The following IQCM variants were observed in gnomAD, a reference collection of about 807,000 sequenced individuals.
The protein encoded by IQCM is IQ domain-containing protein M.
IQCM carries 45 observed loss-of-function variants against 57.6 expected under a neutral mutation model. The ratio of observed to expected loss-of-function variants is 0.78; its 90% CI spans 0.62 to 1.00. The LOEUF is 1.00. IQCM is among the 50% of genes least tolerant of loss of function. The pLI is 0.00. For missense variants in IQCM, 468 were observed against 511.6 expected (o/e 0.91, Z 0.82); for synonymous variants, 148 against 158.9 (o/e 0.93, Z 0.51).
intron 12 of IQCM, among the ~76,000 whole-genome samples, chr4:149,454,623 GT>G (rs927621504): frequency 6.6e-6 from 1 of 151,820 alleles, no homozygotes; most frequent in Non-Finnish European, 1.5e-5. Context: ...AAAATAAAAG[GT>G]TTTTTTAAAA....
intron 2 of IQCM, among the ~76,000 whole-genome samples, chr4:149,777,121 A>G (rs1771163250): frequency 6.6e-6 from 1 of 152,096 alleles, no homozygotes; most frequent in South Asian, 2.1e-4. Context: ...TAGAGCAATA[A>G]TTTCTCTTCT....
chr4:149,781,978 G>A lies in IQCM; in HGVS notation c.-49+33333C>T, dbSNP rs186210615. Among the ~76,000 whole-genome samples, 16 of 151,830 alleles carry A rather than the reference G, an allele frequency of 1.1e-4. 1 individual carries two copies. Among genetic ancestry groups the A allele is most frequent in the African/African-American group, 1.5e-4 (6 of 41,328 alleles). ...CAAAAAGATAATGTATTCTGACTGC[G>A]TAAGACAATATTTTTTTTTTAATCT... On this transcript the variant is annotated intron_variant, in intron 2 of 13. Transcript: ENST00000636793.
intron 12 of IQCM, among the ~76,000 whole-genome samples, chr4:149,524,196 T>A (rs1258392801): frequency 6.6e-6 from 1 of 152,122 alleles, no homozygotes; most frequent in Non-Finnish European, 1.5e-5. Context: ...AACAAGAAGT[T>A]GACAAATTAT....
In IQCM at chr4:149,548,651, A is replaced by T. The variant is rs920871253; in HGVS notation, c.1094-62T>A. 7 of 816,822 alleles carry T rather than the reference A, an allele frequency of 8.6e-6. No homozygotes were observed. In the African/African-American group the frequency reaches 1.2e-4, roughly 15 times the overall value. 50.6% of individuals were successfully genotyped at this position (816,822 alleles called of 1,614,324 possible). On this transcript the variant is annotated intron_variant, in intron 11 of 13. Transcript: ENST00000636793. ...AAACAATACATCAAGTAAAAACTTTAACTCTAGCTTTATTTTCCTGTCTAC... is the reference window on the plus strand; with the variant it reads ...AAACAATACATCAAGTAAAAACTTTTACTCTAGCTTTATTTTCCTGTCTAC...
intron 12 of IQCM, among the ~76,000 whole-genome samples, chr4:149,521,412 C>T (rs557943216): frequency 1.4e-3 from 216 of 152,298 alleles, no homozygotes; most frequent in Non-Finnish European, 2.1e-3. Context: ...TTATTACCTA[C>T]TCACAATTTC....
chr4:149,639,050 C>T (rs536267037), intron 7 of IQCM, among the ~76,000 whole-genome samples: 3 of 152,290 alleles, frequency 2.0e-5, no homozygotes, highest in Non-Finnish European at 2.9e-5. Context: ...AACTTTCTAA[C>T]GTGACGTCTA....
intron 8 of IQCM, among the ~76,000 whole-genome samples, chr4:149,604,714 A>T (rs1754621597): frequency 6.6e-6 from 1 of 152,192 alleles, no homozygotes; most frequent in Non-Finnish European, 1.5e-5. Context: ...ATTCCTAAGA[A>T]CATTAAAAGG....
intron 12 of IQCM, among the ~76,000 whole-genome samples, chr4:149,477,604 T>C (rs1401186406): frequency 6.6e-6 from 1 of 152,060 alleles, no homozygotes; most frequent in Admixed American, 6.6e-5. Flanking sequence ...GTCCCATAGG[T>C]AAATGCAAAC....
At chr4:149,518,504 A>G (rs146678452) in intron 12 of IQCM, among the ~76,000 whole-genome samples, 2 of 152,234 alleles carry the variant, frequency 1.3e-5, no homozygotes, top group Non-Finnish European at 2.9e-5. Context: ...AAATTCTTAC[A>G]TCCTTTTTTT....
At chr4:149,490,445 A>C (rs531517401) in intron 12 of IQCM, among the ~76,000 whole-genome samples, 1 of 152,210 alleles carries the variant, frequency 6.6e-6, no homozygotes, top group African/African-American at 2.4e-5. Flanking sequence ...AGTTTTCATA[A>C]GAAAATAATC....
chr4:149,673,605 G>C (rs1213067610), intron 7 of IQCM, among the ~76,000 whole-genome samples: 1 of 152,066 alleles, frequency 6.6e-6, no homozygotes, highest in Non-Finnish European at 1.5e-5. Flanking sequence ...CAATACAGGA[G>C]CACCCAGATT....
chr4:149,637,016 G>C (rs1030047874), intron 7 of IQCM, among the ~76,000 whole-genome samples: 17 of 151,304 alleles, frequency 1.1e-4, no homozygotes, highest in Admixed American at 2.6e-4. Flanking sequence ...GGTGGCAGGC[G>C]CCTGTAGTCC....
chr4:149,674,616 A>T (rs1343887589), intron 7 of IQCM, among the ~76,000 whole-genome samples: 2 of 152,112 alleles, frequency 1.3e-5, no homozygotes, highest in African/African-American at 4.8e-5. Context: ...ATTGATGCCT[A>T]TAATCTCCAA....
At chr4:149,778,695 A>C (rs561298125) in intron 2 of IQCM, among the ~76,000 whole-genome samples, 1 of 152,270 alleles carries the variant, frequency 6.6e-6, no homozygotes, top group African/African-American at 2.4e-5. Flanking sequence ...GACATCAAAA[A>C]AATAAGGAAA....
chr4:149,707,096 A>C (rs954128618), intron 5 of IQCM, among the ~76,000 whole-genome samples: 1 of 152,028 alleles, frequency 6.6e-6, no homozygotes, highest in African/African-American at 2.4e-5. Context: ...AAATGTAGAG[A>C]GCAATAAATA....
At chr4:149,501,102 C>A (rs766870156) in intron 12 of IQCM, among the ~76,000 whole-genome samples, 9 of 152,152 alleles carry the variant, frequency 5.9e-5, no homozygotes, top group Admixed American at 1.3e-4. Context: ...TGCTCACATG[C>A]GGTTACTTCC....
intron 12 of IQCM, among the ~76,000 whole-genome samples, chr4:149,538,380 T>G (rs981528544): frequency 3.3e-5 from 5 of 151,752 alleles, no homozygotes; most frequent in African/African-American, 1.2e-4. Context: ...AAAATAATTA[T>G]TAAAATATAC....
chr4:149,416,381 G>A (rs541056539), intron 13 of IQCM, among the ~76,000 whole-genome samples: 5 of 151,968 alleles, frequency 3.3e-5, no homozygotes, highest in African/African-American at 4.8e-5. Context: ...TTAGAAGTCC[G>A]CATTCATTTG....
chr4:149,409,668 G>C (rs1243194273), intron 13 of IQCM, among the ~76,000 whole-genome samples: 7 of 152,160 alleles, frequency 4.6e-5, no homozygotes, highest in African/African-American at 1.7e-4. Context: ...TCTGAATTCT[G>C]CCTAATGAGC....
Sources: allele counts gnomAD v4.1 joint callset (sites outside exome capture counted in the v4.1 genomes callset), GRCh38; gene constraint gnomAD v4.1.1; transcripts MANE v1.5; gene names NCBI Gene and HGNC (gene_info 2026-07-23, HGNC 2026-07-21).